Variants in RSRC1 observed in about 807,000 individuals in gnomAD.
RSRC1 encodes arginine and serine rich coiled-coil 1, also known as serine/Arginine-related protein 53.
Under a neutral mutation model 49.1 loss-of-function variants are expected in RSRC1, and 39 were observed. The ratio of observed to expected loss-of-function variants is 0.79; its 90% CI spans 0.61 to 1.04. RSRC1 has a LOEUF of 1.04. Among genes scored for constraint, RSRC1 ranks in the 50% least tolerant of loss-of-function variants. The pLI, the probability that RSRC1 is intolerant of heterozygous loss-of-function variation, is 0.00. For missense variants in RSRC1, 388 were observed against 402.4 expected, an observed-to-expected ratio of 0.96 and a Z score of 0.31; for synonymous variants, 143 against 130.8, an observed-to-expected ratio of 1.09 and a Z score of -0.63.
rs997894494 is a variant in RSRC1, at chr3:158,289,751, T to C, written c.495-8288T>C. ...GGAAGATCTTTGTAGATCAGAGTAC[T>C]GACATTAAGCATTTTTAAAAATTGA... On this transcript the variant is annotated intron_variant, in intron 4 of 9. Transcript: ENST00000611884. 7.9e-5 allele frequency among the ~76,000 whole-genome samples: 12 copies of C among 152,340 alleles called. No individual in the cohort carries two copies. In the Middle Eastern group the frequency reaches 0.01, roughly 130 times the overall value.
intron 5 of RSRC1, among the ~76,000 whole-genome samples, chr3:158,321,893 A>G (rs369390063): frequency 1.3e-5 from 2 of 152,178 alleles, no homozygotes; most frequent in East Asian, 1.9e-4. Flanking sequence ...TATATATATT[A>G]TAAACTTAAT....
intron 7 of RSRC1, among the ~76,000 whole-genome samples, chr3:158,462,094 G>C (rs1021819024): frequency 4.0e-5 from 6 of 151,100 alleles, no homozygotes; most frequent in African/African-American, 1.5e-4. Flanking sequence ...ATAGTATAGT[G>C]TTCTTACCTT....
In RSRC1 at chr3:158,199,130, C is replaced by T. The variant is rs1270316026; in HGVS notation, c.321-3942C>T. ...GTCTCATGAGATCTGAAGGTAAAAA[C>T]GGGAGTTTCTCTGCACAAGCTCTTT... On this transcript the variant is annotated intron_variant, in intron 3 of 9. Transcript: ENST00000611884. 2.6e-5 allele frequency among the ~76,000 whole-genome samples: 4 copies of T among 152,206 alleles called. No individual in the cohort carries two copies. The East Asian group carries it at 7.7e-4, about 29-fold the overall frequency.
intron 5 of RSRC1, among the ~76,000 whole-genome samples, chr3:158,309,839 A>G (rs1456298043): frequency 6.6e-6 from 1 of 151,754 alleles, no homozygotes; most frequent in Non-Finnish European, 1.5e-5. Flanking sequence ...CAATACCATC[A>G]TGTCAGTTGT....
chr3:158,367,014 A>C (rs1184396195), intron 6 of RSRC1, among the ~76,000 whole-genome samples: 23 of 152,196 alleles, frequency 1.5e-4, no homozygotes, highest in Admixed American at 1.5e-3. Context: ...ACTTTGCTGA[A>C]GTTGTTTATC....
chr3:158,369,063 T>C (rs1245067735), intron 6 of RSRC1, among the ~76,000 whole-genome samples: 1 of 152,074 alleles, frequency 6.6e-6, no homozygotes, highest in African/African-American at 2.4e-5. Flanking sequence ...ATAAAATGCT[T>C]AACAAAAATA....
chr3:158,301,094 C>A (rs1384259522), intron 5 of RSRC1, among the ~76,000 whole-genome samples: 5 of 151,924 alleles, frequency 3.3e-5, no homozygotes, highest in African/African-American at 9.7e-5. Context: ...CTTTTTTAAT[C>A]ATTTCTTTCT....
At chr3:158,222,325 G>A (rs2108299006) in intron 4 of RSRC1, among the ~76,000 whole-genome samples, 1 of 151,500 alleles carries the variant, frequency 6.6e-6, no homozygotes, top group South Asian at 2.1e-4. Flanking sequence ...AACAAGCCAA[G>A]CAACATATTG....
intron 4 of RSRC1, among the ~76,000 whole-genome samples, chr3:158,282,585 G>C (rs1726245785): frequency 6.6e-6 from 1 of 152,258 alleles, no homozygotes; most frequent in East Asian, 1.9e-4. Flanking sequence ...TTTTCAACTT[G>C]GGACATTTGC....
chr3:158,498,146 A>C (rs138328495), intron 7 of RSRC1, among the ~76,000 whole-genome samples: 2 of 152,060 alleles, frequency 1.3e-5, no homozygotes, highest in African/African-American at 4.8e-5. Context: ...AGGAATCTCC[A>C]TGCTGTTTTC....
At chr3:158,455,212 G>A (rs1447750459) in intron 6 of RSRC1, among the ~76,000 whole-genome samples, 1 of 152,002 alleles carries the variant, frequency 6.6e-6, no homozygotes, top group South Asian at 2.1e-4. Flanking sequence ...TCTGCTTTCT[G>A]TTTAAGAATT....
At chr3:158,382,637 G>A (rs752845507) in intron 6 of RSRC1, among the ~76,000 whole-genome samples, 1 of 152,090 alleles carries the variant, frequency 6.6e-6, no homozygotes, top group Admixed American at 6.6e-5. Context: ...ACTTTAAGTT[G>A]CTTTCTCAGC....
chr3:158,262,757 T>G (rs961329743), intron 4 of RSRC1, among the ~76,000 whole-genome samples: 1 of 152,078 alleles, frequency 6.6e-6, no homozygotes, highest in Admixed American at 6.5e-5. Flanking sequence ...TTGTAGCATA[T>G]ACTTTAGAAG....
intron 3 of RSRC1, among the ~76,000 whole-genome samples, chr3:158,147,448 C>T (rs1717212107): frequency 6.6e-6 from 1 of 151,752 alleles, no homozygotes; most frequent in African/African-American, 2.4e-5. Flanking sequence ...TTTGTATTTA[C>T]CTATCTCCAC....
At chr3:158,290,240 G>A (rs1218226608) in intron 4 of RSRC1, among the ~76,000 whole-genome samples, 1 of 144,184 alleles carries the variant, frequency 6.9e-6, no homozygotes, top group African/African-American at 2.9e-5. Flanking sequence ...TTAGTAAATA[G>A]TAGAGCTGAA....
At chr3:158,490,829 G>A (rs1037502369) in intron 7 of RSRC1, among the ~76,000 whole-genome samples, 8 of 152,126 alleles carry the variant, frequency 5.3e-5, no homozygotes, top group South Asian at 4.1e-4. Context: ...TATTATACAC[G>A]TACTGCTGAG....
At chr3:158,361,385 C>T (rs902553011) in intron 6 of RSRC1, among the ~76,000 whole-genome samples, 1 of 152,140 alleles carries the variant, frequency 6.6e-6, no homozygotes, top group African/African-American at 2.4e-5. Flanking sequence ...GGTCCAGAGC[C>T]ACAGAGGCTC....
intron 3 of RSRC1, among the ~76,000 whole-genome samples, chr3:158,131,036 A>G (rs576348162): frequency 6.6e-6 from 1 of 152,244 alleles, no homozygotes; most frequent in East Asian, 1.9e-4. Context: ...AAGAAAAGTG[A>G]TGAACGTGGG....
At chr3:158,432,106 A>G (rs563571692) in intron 6 of RSRC1, among the ~76,000 whole-genome samples, 3 of 151,908 alleles carry the variant, frequency 2.0e-5, no homozygotes, top group Non-Finnish European at 4.4e-5. Context: ...CCAAAGTTCT[A>G]ATAATCTCCC....
Sources: allele counts gnomAD v4.1 joint callset (sites outside exome capture counted in the v4.1 genomes callset), GRCh38; gene constraint gnomAD v4.1.1; transcripts MANE v1.5; gene names NCBI Gene and HGNC (gene_info 2026-07-23, HGNC 2026-07-21).